Variants in STRBP observed in about 807,000 individuals in gnomAD.
STRBP encodes the protein spermatid perinuclear RNA-binding protein.
Under a neutral mutation model 80.1 loss-of-function variants are expected in STRBP, and 13 were observed. The observed-to-expected ratio is 0.16, with a 90% CI of 0.11 to 0.26. The LOEUF (loss-of-function observed/expected upper bound fraction) is 0.26. STRBP is among the 10% of genes least tolerant of loss of function. STRBP has a pLI of 1.00. For synonymous variants in STRBP, 284 were observed against 291.2 expected (o/e 0.98, Z 0.25); for missense variants, 485 against 815.2 (o/e 0.59, Z 4.93).
At chr9:123,222,099 CTT>C (rs1272301322) in intron 2 of STRBP, among the ~76,000 whole-genome samples, 1 of 152,088 alleles carries the variant, frequency 6.6e-6, no homozygotes, top group Admixed American at 6.5e-5. Flanking sequence ...GCTTTTCTCT[CTT>C]TCTCTTCACC....
rs74760377 is a variant in STRBP at position 123,230,762 on chromosome 9, A to C, written c.-165+6068T>G. On this transcript the variant is annotated intron_variant, in intron 2 of 18. Coordinates refer to ENST00000348403, the MANE Select transcript of STRBP (RefSeq NM_018387.5). Reference sequence around the variant, plus strand: ...CATGGCCATTTCAGTTAATCACAGGAAAGTTTCTGTTTTAAAATTGCTTTA... The same window carrying C: ...CATGGCCATTTCAGTTAATCACAGGCAAGTTTCTGTTTTAAAATTGCTTTA... 4.0e-3 allele frequency among the ~76,000 whole-genome samples: 616 copies of C among 152,342 alleles called. 20 individuals are homozygous for C. In the East Asian group the frequency reaches 0.044, roughly 11 times the overall value.
intron 13 of STRBP, among the ~76,000 whole-genome samples, chr9:123,140,237 A>G (rs2036532411): frequency 6.6e-6 from 1 of 152,226 alleles, no homozygotes; most frequent in African/African-American, 2.4e-5. Flanking sequence ...TTGCCTGTCA[A>G]TTACAAAATA....
At chr9:123,161,127 A>T in intron 6 of STRBP, 59 bp from the exon 7 acceptor site, 1 of 1,222,872 alleles carries the variant, frequency 8.2e-7, no homozygotes. Context: ...ATTCCTATCA[A>T]ATTATCAAAC....
chr9:123,134,533 C>T (rs950530778), intron 16 of STRBP, among the ~76,000 whole-genome samples: 1 of 152,114 alleles, frequency 6.6e-6, no homozygotes, highest in Non-Finnish European at 1.5e-5. Flanking sequence ...GCTTCTTGGC[C>T]GTCAAGCACA....
At chr9:123,200,775 G>A (rs976753030) in intron 2 of STRBP, among the ~76,000 whole-genome samples, 3 of 54,248 alleles carry the variant, frequency 5.5e-5, no homozygotes, top group African/African-American at 2.2e-4. Flanking sequence ...TAGAGACCAG[G>A]TTTCACCATG....
chr9:123,123,534 A>T lies in STRBP; in HGVS notation c.*2063T>A, dbSNP rs2035797112. On this transcript the variant is annotated 3_prime_UTR_variant, in exon 19 of 19. Coordinates refer to ENST00000348403, the MANE Select transcript of STRBP (RefSeq NM_018387.5). ...TAACTTCCAACAAACAACAAAATTA[A>T]AAAAAAAAAAAAAAGACTTGGTAGA... 2 of 3,952 alleles carry T rather than the reference A, an allele frequency of 5.1e-4. No homozygotes were observed. The highest frequency in any genetic ancestry group is 0.071 in the Admixed American group (1 of 14). The allele number at this position is 3,952 out of a possible 1,614,324, so 0.2% of individuals were successfully genotyped here. A position where few individuals can be genotyped will look rare whatever the true frequency, so the allele number is the denominator to read the frequency against.
Position 123,170,042 on chromosome 9 carries a change from A to T in STRBP, c.395T>A (p.Leu132His). 6.3e-7 allele frequency: 1 copy of T among 1,597,054 alleles called. No individual in the cohort carries two copies. Among genetic ancestry groups the T allele is most frequent in the East Asian group, 2.3e-5 (1 of 43,800 alleles). ...KDNLPIQIQK[L>H]TEEKYQVEQC... is the part of the protein sequence containing the mutation. The stretch of plus-strand genomic sequence containing the variant: ...TTCCACTTGATATTTCTCTTCTGTG[A>T]GTTTCTGAAAGTCACCAAGATTTCA... The change falls in exon 6 of 19, where the codon CTC (leucine) becomes CAC (histidine). Residue 132 changes from leucine to histidine, a missense_variant. Leu to His is a moderately conservative substitution (Grantham distance 99). Transcript: ENST00000348403.
chr9:123,147,932 TGTATCTAACATG>T, intron 11 of STRBP, 62 bp from the exon 12 acceptor site: 3 of 1,383,628 alleles, frequency 2.2e-6, no homozygotes, highest in Non-Finnish European at 3.0e-6. Context: ...CCGTACCATA[TGTATCTAACATG>T]TTCAGGTAGG....
At chr9:123,162,762 C>G (rs1279175131) in intron 6 of STRBP, among the ~76,000 whole-genome samples, 3 of 152,136 alleles carry the variant, frequency 2.0e-5, no homozygotes, top group Non-Finnish European at 4.4e-5. Context: ...AAATGGGAAG[C>G]CTCAAAAAGG....
In STRBP at chr9:123,123,860, G is replaced by A. The variant is rs2035805762; in HGVS notation, c.*1737C>T. 3 of 985,210 alleles carry A rather than the reference G, an allele frequency of 3.0e-6. No homozygotes were observed. The highest frequency in any genetic ancestry group is 3.6e-6 in the Non-Finnish European group (3 of 829,924). The allele number at this position is 985,210 out of a possible 1,614,324, so 61.0% of individuals were successfully genotyped here. ...AGTGATGGCTCTGTTTCATCCATAG[G>A]TCAGCAAAACGCATCAATGAAACAT... On this transcript the variant is annotated 3_prime_UTR_variant, in exon 19 of 19. Coordinates refer to ENST00000348403, the MANE Select transcript of STRBP (RefSeq NM_018387.5).
At chr9:123,129,889 A>G (rs2036062117) in intron 17 of STRBP, among the ~76,000 whole-genome samples, 2 of 152,204 alleles carry the variant, frequency 1.3e-5, no homozygotes, top group South Asian at 4.1e-4. Context: ...TGCTCACTAA[A>G]TCATATTCAA....
In STRBP at chr9:123,268,544, C is replaced by G. The variant is rs979412137; in HGVS notation, c.-410G>C. ...CTCTGCCCAGCGGCGGCGGCTGCGG[C>G]GGCTGCTGCCCTGGTGGCGCTCGCG... On this transcript the variant is annotated 5_prime_UTR_variant, in exon 1 of 19. Transcript: ENST00000348403. The G allele has an allele frequency of 5.9e-6, 1 of 169,422 alleles. No individual in the cohort carries two copies. Among genetic ancestry groups the G allele is most frequent in the Non-Finnish European group, 1.2e-5 (1 of 80,448 alleles). 10.5% of individuals were successfully genotyped at this position (169,422 alleles called of 1,614,324 possible).
chr9:123,200,719 C>A (rs984276734), intron 2 of STRBP, among the ~76,000 whole-genome samples: 8 of 139,218 alleles, frequency 5.7e-5, no homozygotes, highest in African/African-American at 1.4e-4. Flanking sequence ...AGGCGCCCCG[C>A]CACACACCCC....
chr9:123,172,396 T>C (rs997934158), intron 5 of STRBP, among the ~76,000 whole-genome samples: 2 of 152,202 alleles, frequency 1.3e-5, no homozygotes, highest in Admixed American at 1.3e-4. Context: ...AGAAAGCCCA[T>C]TAATTAGCTT....
chr9:123,248,897 T>G (rs2040856431), intron 1 of STRBP, among the ~76,000 whole-genome samples: 1 of 152,172 alleles, frequency 6.6e-6, no homozygotes, highest in African/African-American at 2.4e-5. Flanking sequence ...GAAGGAACCG[T>G]TTTTCATAAT....
intron 6 of STRBP, among the ~76,000 whole-genome samples, chr9:123,168,969 T>C (rs978958782): frequency 2.0e-5 from 3 of 152,168 alleles, no homozygotes; most frequent in Admixed American, 6.5e-5. Context: ...GTTTAAAGCA[T>C]GATTCTCACA....
At chr9:123,242,408 T>A (rs1057240072) in intron 1 of STRBP, among the ~76,000 whole-genome samples, 5 of 152,104 alleles carry the variant, frequency 3.3e-5, no homozygotes, top group African/African-American at 1.2e-4. Context: ...CCTGTAATCC[T>A]AGCACTTTCA....
intron 6 of STRBP, among the ~76,000 whole-genome samples, chr9:123,169,667 GACAAGC>G (rs2037924975): frequency 6.6e-6 from 1 of 152,026 alleles, no homozygotes; most frequent in Non-Finnish European, 1.5e-5. Flanking sequence ...AAACCAACAA[GACAAGC>G]ACAAGTTTTT....
chr9:123,248,321 G>A (rs376606173), intron 1 of STRBP, among the ~76,000 whole-genome samples: 47 of 135,888 alleles, frequency 3.5e-4, no homozygotes, highest in African/African-American at 1.0e-3. Context: ...AGGCTAGAGC[G>A]CAATGGCACG....
Sources: gnomAD v4.1 joint callset for allele counts (sites outside exome capture counted in the v4.1 genomes callset) on GRCh38, gnomAD v4.1.1 for gene constraint, MANE v1.5 for transcripts, NCBI Gene and HGNC (gene_info 2026-07-23, HGNC 2026-07-21) for gene names.